PTPRM: variants seen among roughly 807,000 people sequenced by gnomAD.
PTPRM encodes the protein protein tyrosine phosphatase receptor type M, also known as receptor-type tyrosine-protein phosphatase mu.
In PTPRM, 47 loss-of-function variants were observed where a neutral mutation model predicts 186.7. The ratio of observed to expected loss-of-function variants is 0.25; its 90% confidence interval spans 0.20 to 0.32. The LOEUF (loss-of-function observed/expected upper bound fraction) is 0.32. Among genes scored for constraint, PTPRM ranks in the 10% least tolerant of loss-of-function variants. PTPRM has a pLI of 1.00. For missense variants in PTPRM, 1,494 were observed against 1,865.0 expected (o/e 0.80, Z 3.66); for synonymous variants, 668 against 674.9 (o/e 0.99, Z 0.16).
intron 11 of PTPRM, among the ~76,000 whole-genome samples, chr18:8,097,904 T>C (rs1368316237): frequency 6.6e-6 from 1 of 152,224 alleles, no homozygotes; most frequent in Non-Finnish European, 1.5e-5. Context: ...ATAAGGACAT[T>C]TCATTCAACA....
intron 6 of PTPRM, among the ~76,000 whole-genome samples, chr18:7,950,063 T>C (rs2052835350): frequency 6.6e-6 from 1 of 152,038 alleles, no homozygotes; most frequent in African/African-American, 2.4e-5. Context: ...GCCATTGCTG[T>C]TTTTCCTAGG....
intron 14 of PTPRM, among the ~76,000 whole-genome samples, chr18:8,216,934 A>G (rs1288204401): frequency 6.6e-6 from 1 of 152,224 alleles, no homozygotes; most frequent in African/African-American, 2.4e-5. Flanking sequence ...TTTTGCATAT[A>G]TGCTGGTTTA....
intron 7 of PTPRM, among the ~76,000 whole-genome samples, chr18:7,973,336 G>A (rs2054700934): frequency 6.6e-6 from 1 of 152,182 alleles, no homozygotes; most frequent in Non-Finnish European, 1.5e-5. Context: ...GCTCTATCAA[G>A]TTATGCTCTA....
chr18:8,369,539 C>A (rs974224083), intron 23 of PTPRM, among the ~76,000 whole-genome samples: 5 of 152,212 alleles, frequency 3.3e-5, no homozygotes, highest in Non-Finnish European at 7.3e-5. Flanking sequence ...GGAATCATAG[C>A]AGTCACATAG....
chr18:7,600,835 C>T (rs1026028825), intron 1 of PTPRM, among the ~76,000 whole-genome samples: 4 of 152,222 alleles, frequency 2.6e-5, no homozygotes, highest in Admixed American at 6.5e-5. Context: ...CCCTCAGTTC[C>T]CCTCTGCTGC....
At chr18:7,595,949 C>T (rs2143684020) in intron 1 of PTPRM, among the ~76,000 whole-genome samples, 1 of 152,312 alleles carries the variant, frequency 6.6e-6, no homozygotes, top group East Asian at 1.9e-4. Context: ...GCACCTGAAT[C>T]ATTTGAATCT....
intron 1 of PTPRM, among the ~76,000 whole-genome samples, chr18:7,735,948 G>C (rs562004194): frequency 6.6e-6 from 1 of 150,908 alleles, no homozygotes; most frequent in South Asian, 2.1e-4. Flanking sequence ...TGAAAGCACC[G>C]CCTCCCCCCA....
chr18:8,255,793 ATGT>A (rs1331228968), intron 19 of PTPRM, among the ~76,000 whole-genome samples: 1 of 152,172 alleles, frequency 6.6e-6, no homozygotes, highest in Non-Finnish European at 1.5e-5. Flanking sequence ...AGGGATGCTG[ATGT>A]TGTCGTCTAG....
At position 7,630,492 on chromosome 18, in the gene PTPRM, A is replaced by T. The variant is rs79468267; in HGVS notation, c.73+62601A>T. Among the ~76,000 whole-genome samples, 606 of 152,160 alleles carry T rather than the reference A, an allele frequency of 4.0e-3. 4 individuals carry two copies. Among genetic ancestry groups the T allele is most frequent in the African/African-American group, 0.014 (583 of 41,526 alleles). On this transcript the variant is annotated intron_variant, in intron 1 of 32. Coordinates refer to ENST00000580170, the MANE Select transcript of PTPRM (RefSeq NM_001105244.2). Reference sequence around the variant, plus strand: ...GAGTGATTATGGAGACTGTCTCCTGAGAGATGTGGTTATGAGGAGGAGCAG... The same window carrying T: ...GAGTGATTATGGAGACTGTCTCCTGTGAGATGTGGTTATGAGGAGGAGCAG...
At chr18:7,706,620 A>C (rs1175057904) in intron 1 of PTPRM, among the ~76,000 whole-genome samples, 1 of 149,964 alleles carries the variant, frequency 6.7e-6, no homozygotes, top group East Asian at 1.9e-4. Flanking sequence ...AAAAAAAAAA[A>C]AAAAAAAAAA....
intron 2 of PTPRM, among the ~76,000 whole-genome samples, chr18:7,826,817 G>T (rs2045508419): frequency 6.6e-6 from 1 of 152,218 alleles, no homozygotes; most frequent in East Asian, 1.9e-4. Flanking sequence ...CTGTGGGCTA[G>T]ATGCAGCGGC....
intron 9 of PTPRM, among the ~76,000 whole-genome samples, chr18:8,078,442 A>G (rs932260868): frequency 1.3e-5 from 2 of 152,216 alleles, no homozygotes; most frequent in Admixed American, 6.5e-5. Context: ...CCATGGCAAC[A>G]TTGTTTTCTG....
At chr18:7,922,618 T>C (rs12606212) in intron 4 of PTPRM, among the ~76,000 whole-genome samples, 40,368 of 152,044 alleles carry the variant, frequency 0.27, 5,716 homozygotes, top group East Asian at 0.44. Context: ...TGTCTCTGGC[T>C]CCTGGAATAG....
At chr18:7,732,625 G>C (rs1212113552) in intron 1 of PTPRM, among the ~76,000 whole-genome samples, 1 of 152,036 alleles carries the variant, frequency 6.6e-6, no homozygotes, top group African/African-American at 2.4e-5. Context: ...TCCCACCTTG[G>C]TCTCATGAGT....
intron 7 of PTPRM, among the ~76,000 whole-genome samples, chr18:8,000,616 T>A (rs1383532069): frequency 1.3e-5 from 2 of 152,168 alleles, no homozygotes; most frequent in Non-Finnish European, 2.9e-5. Context: ...ATAGGATCCT[T>A]AGGAATAAAT....
chr18:8,106,510 C>T (rs1018567955), intron 11 of PTPRM, among the ~76,000 whole-genome samples: 1 of 152,078 alleles, frequency 6.6e-6, no homozygotes, highest in African/African-American at 2.4e-5. Flanking sequence ...GTTACTTTGT[C>T]CTTTGTACAA....
intron 6 of PTPRM, among the ~76,000 whole-genome samples, chr18:7,951,920 G>A (rs566345259): frequency 1.4e-4 from 21 of 152,244 alleles, no homozygotes; most frequent in African/African-American, 5.1e-4. Context: ...AGTCCATAGA[G>A]TTTTTAACCT....
chr18:7,898,782 G>A (rs772833781), intron 3 of PTPRM, among the ~76,000 whole-genome samples: 61 of 152,172 alleles, frequency 4.0e-4, no homozygotes, highest in Admixed American at 2.1e-3. Flanking sequence ...CAGTGAAATG[G>A]AGACTCAGAG....
At chr18:7,964,562 AC>A (rs1435581658) in intron 7 of PTPRM, among the ~76,000 whole-genome samples, 2 of 152,178 alleles carry the variant, frequency 1.3e-5, no homozygotes, top group Non-Finnish European at 2.9e-5. Context: ...TACTTTGGTC[AC>A]CTGGTGGCTC....
Sources: allele counts gnomAD v4.1 joint callset (sites outside exome capture counted in the v4.1 genomes callset), GRCh38; gene constraint gnomAD v4.1.1; transcripts MANE v1.5; gene names NCBI Gene and HGNC (gene_info 2026-07-23, HGNC 2026-07-21).